Variants in DOCK10 observed in about 807,000 individuals in gnomAD.
DOCK10 encodes the protein dedicator of cytokinesis protein 10.
In DOCK10, 145 loss-of-function variants were observed where a neutral mutation model predicts 280.1. That is an observed-to-expected ratio of 0.52 (90% CI 0.45 to 0.59). The LOEUF is 0.59. Among genes scored for constraint, DOCK10 ranks in the 20% least tolerant of loss-of-function variants. The pLI is 0.00. For synonymous variants in DOCK10, 915 were observed against 942.2 expected, an observed-to-expected ratio of 0.97 and a Z score of 0.53; for missense variants, 2,368 against 2,651.7, an observed-to-expected ratio of 0.89 and a Z score of 2.35.
intron 2 of DOCK10, among the ~76,000 whole-genome samples, chr2:224,918,069 G>A (rs1350634133): frequency 6.6e-6 from 1 of 152,196 alleles, no homozygotes; most frequent in African/African-American, 2.4e-5. Flanking sequence ...TTTGTCTTCC[G>A]AGTTCACAGA....
chr2:225,031,230 G>C (rs756011309), intron 1 of DOCK10, among the ~76,000 whole-genome samples: 1 of 152,218 alleles, frequency 6.6e-6, no homozygotes, highest in Non-Finnish European at 1.5e-5. Flanking sequence ...TGCCAGGGAA[G>C]TGGTGAAAGG....
chr2:224,792,093 CAA>C (rs1319219099), intron 47 of DOCK10, among the ~76,000 whole-genome samples: 3 of 151,918 alleles, frequency 2.0e-5, no homozygotes, highest in Non-Finnish European at 2.9e-5. Context: ...CTTTTTTGTG[CAA>C]AGAGTAACTC....
chr2:224,893,065 G>T (rs1377444642), intron 4 of DOCK10, among the ~76,000 whole-genome samples: 1 of 152,192 alleles, frequency 6.6e-6, no homozygotes. Flanking sequence ...TCCGACATTG[G>T]TGATAACTAT....
intron 17 of DOCK10, 28 bp downstream of exon 17, chr2:224,852,907 G>GA: frequency 6.6e-7 from 1 of 1,517,978 alleles, no homozygotes; most frequent in Non-Finnish European, 8.9e-7. Context: ...GAAAAGAAAA[G>GA]ATGATATCTC....
intron 1 of DOCK10, chr2:224,983,686 C>A: frequency 2.2e-6 from 1 of 459,486 alleles, no homozygotes; most frequent in South Asian, 1.6e-5. Flanking sequence ...TCTGTCACAA[C>A]ACAGCATCGT....
At chr2:225,014,087 TTTTTTTTTTTG>T (rs960936986) in intron 1 of DOCK10, among the ~76,000 whole-genome samples, 59 of 87,918 alleles carry the variant, frequency 6.7e-4, no homozygotes, top group South Asian at 2.2e-3. Flanking sequence ...ATATATTGTT[TTTTTTTTTTTG>T]TTTTTTTTTT....
In DOCK10 at chr2:224,770,926, C is replaced by A. The variant is rs988353049; in HGVS notation, c.6205-281G>T. ...TCATATCTGTACGTTGCTTGAACTA[C>A]TATTTTTTTCTTTCTTTTTTTCTTT... On this transcript the variant is annotated intron_variant, in intron 53 of 55. Coordinates refer to ENST00000258390, the MANE Select transcript of DOCK10 (RefSeq NM_014689.3). This position sits in a 1 kb window ranked among gnomAD's most constrained non-coding sequence, Gnocchi z 4.5. 2.6e-5 allele frequency among the ~76,000 whole-genome samples: 4 copies of A among 151,734 alleles called. No individual in the cohort carries two copies. The highest frequency in any genetic ancestry group is 4.4e-5 in the Non-Finnish European group (3 of 67,940).
At chr2:224,784,703 T>C in intron 50 of DOCK10, 1 of 1,289,482 alleles carries the variant, frequency 7.8e-7, no homozygotes, top group South Asian at 1.2e-5. Context: ...TGTTAGAGCA[T>C]GCAAATGGAG....
At chr2:225,029,698 A>T (rs1396334346) in intron 1 of DOCK10, among the ~76,000 whole-genome samples, 1 of 152,234 alleles carries the variant, frequency 6.6e-6, no homozygotes, top group Non-Finnish European at 1.5e-5. Flanking sequence ...AGTGTGTCAA[A>T]GCATGTTTTT....
chr2:224,942,844 C>T (rs1385441033), intron 1 of DOCK10, among the ~76,000 whole-genome samples: 1 of 151,620 alleles, frequency 6.6e-6, no homozygotes, highest in African/African-American at 2.4e-5. Flanking sequence ...TGAAATCCTG[C>T]AGATTAATGA....
chr2:224,809,941 G>A (rs1693646992), intron 31 of DOCK10, among the ~76,000 whole-genome samples: 1 of 134,032 alleles, frequency 7.5e-6, no homozygotes, highest in Admixed American at 8.5e-5. Context: ...ATCTATAGAT[G>A]AATGGATTAA....
chr2:224,771,838 T>TG (rs34248958), intron 53 of DOCK10, among the ~76,000 whole-genome samples: 106,014 of 151,822 alleles, frequency 0.7, 37,966 homozygotes, highest in Middle Eastern at 0.82. Context: ...TCTCAGCCCA[T>TG]GGGGGACACA....
At chr2:224,916,279 G>A (rs974158608) in intron 3 of DOCK10, among the ~76,000 whole-genome samples, 1 of 152,224 alleles carries the variant, frequency 6.6e-6, no homozygotes, top group Admixed American at 6.5e-5. Context: ...GGTGGCTCAT[G>A]CCTGTAATCC....
At chr2:224,904,881 T>C (rs1033997672) in intron 3 of DOCK10, among the ~76,000 whole-genome samples, 1 of 152,224 alleles carries the variant, frequency 6.6e-6, no homozygotes, top group Non-Finnish European at 1.5e-5. Context: ...ATTCCCCATG[T>C]TTTCTTGAGA....
intron 4 of DOCK10, among the ~76,000 whole-genome samples, chr2:224,894,223 T>A (rs1699858109): frequency 6.6e-6 from 1 of 152,214 alleles, no homozygotes; most frequent in South Asian, 2.1e-4. Flanking sequence ...AGCAATAATG[T>A]CCGGGATTGG....
chr2:224,914,944 T>C (rs1276564202), intron 3 of DOCK10, among the ~76,000 whole-genome samples: 5 of 152,164 alleles, frequency 3.3e-5, no homozygotes, highest in Non-Finnish European at 7.4e-5. Flanking sequence ...AAAATATCAG[T>C]AATTAACAGT....
In DOCK10 at chr2:225,014,109, T is replaced by A. The variant is rs1488543759; in HGVS notation, c.123+28143A>T. On this transcript the variant is annotated intron_variant, in intron 1 of 55. Coordinates refer to ENST00000258390, the MANE Select transcript of DOCK10 (RefSeq NM_014689.3). ...GTTTTTTTTTTTTTGTTTTTTTTTT[T>A]AAGAAATACAGGTTAAAAACTCATC... 1.6e-3 allele frequency among the ~76,000 whole-genome samples: 228 copies of A among 145,366 alleles called. 1 individual carries two copies. Among genetic ancestry groups the A allele is most frequent in the African/African-American group, 5.5e-3 (216 of 39,428 alleles).
chr2:224,788,913 T>C (rs1294003489), intron 48 of DOCK10, 151 bp downstream of exon 48: 1 of 575,918 alleles, frequency 1.7e-6, no homozygotes, highest in African/African-American at 1.9e-5. Flanking sequence ...TATCTACTAA[T>C]CTTGGCTTAA....
chr2:224,917,031 G>A (rs62186352), intron 2 of DOCK10, among the ~76,000 whole-genome samples: 35,034 of 145,766 alleles, frequency 0.24, 4,564 homozygotes, highest in Non-Finnish European at 0.29. Flanking sequence ...GTTTTAAGCT[G>A]TTCCCCCTTT....
Sources: gnomAD v4.1 joint callset for allele counts (sites outside exome capture counted in the v4.1 genomes callset) on GRCh38, gnomAD v4.1.1 for gene constraint, Gnocchi (gnomAD v3.1) non-coding constraint, MANE v1.5 for transcripts, NCBI Gene and HGNC (gene_info 2026-07-23, HGNC 2026-07-21) for gene names.